CAMSAP1: variants seen among roughly 807,000 people sequenced by gnomAD.
CAMSAP1 encodes calmodulin regulated spectrin associated protein 1.
Under a neutral mutation model 143.5 loss-of-function variants are expected in CAMSAP1, and 58 were observed. The ratio of observed to expected loss-of-function variants is 0.40; its 90% CI spans 0.33 to 0.50. The LOEUF (loss-of-function observed/expected upper bound fraction) is 0.50, where lower values mean the gene tolerates loss of function less well. CAMSAP1 is among the 20% of genes least tolerant of loss of function. CAMSAP1 has a pLI of 0.45. For missense variants in CAMSAP1, 1,969 were observed against 2,115.7 expected, an observed-to-expected ratio of 0.93 and a Z score of 1.36; for synonymous variants, 945 against 859.3, an observed-to-expected ratio of 1.10 and a Z score of -1.74.
intron 3 of CAMSAP1, among the ~76,000 whole-genome samples, chr9:135,874,483 G>T (rs1451558044): frequency 6.7e-6 from 1 of 150,018 alleles, no homozygotes; most frequent in African/African-American, 2.5e-5. Context: ...AAAAAAGGGG[G>T]GGGGGGGCCA....
chr9:135,889,895 A>AC (rs1235954565), intron 1 of CAMSAP1, among the ~76,000 whole-genome samples: 4 of 151,992 alleles, frequency 2.6e-5, no homozygotes, highest in African/African-American at 9.7e-5. Context: ...GTAAGCTCCC[A>AC]CCCGTAGCTC....
rs947940641 is a variant in CAMSAP1 at position 135,873,394 on chromosome 9, T to TC, written c.586-6859dup. Among the ~76,000 whole-genome samples the TC allele has an allele frequency of 1.2e-3, 175 of 149,986 alleles. 2 individuals carry two copies. Among genetic ancestry groups the TC allele is most frequent in the Non-Finnish European group, 2.3e-3 (154 of 67,472 alleles). ...ATGAAAAAAGACTTCAATAACTAAC[T>TC]CCCCCCTTAAAAAACTAGACAAGGA... On this transcript the variant is annotated intron_variant, in intron 3 of 16. Coordinates refer to ENST00000389532, the MANE Select transcript of CAMSAP1 (RefSeq NM_015447.4).
At chr9:135,875,053 G>C (rs1837694413) in intron 3 of CAMSAP1, among the ~76,000 whole-genome samples, 1 of 152,134 alleles carries the variant, frequency 6.6e-6, no homozygotes, top group African/African-American at 2.4e-5. Context: ...ATGTCTGTGG[G>C]CTGGAATATG....
Position 135,818,090 on chromosome 9 carries a change from C to A in CAMSAP1, c.4169-11G>T, listed in dbSNP as rs1835304295. On this transcript the variant is annotated splice_polypyrimidine_tract_variant and intron_variant, in intron 13 of 16. Coordinates refer to ENST00000389532, the MANE Select transcript of CAMSAP1 (RefSeq NM_015447.4). The surrounding 1 kb of genome is among the most constrained non-coding windows in gnomAD (Gnocchi z 7.7). ...GGCTCAAGTTATCAGCTGCCAGAGA[C>A]AGAAACAGACGACGGTTCATGAACG... The A allele has an allele frequency of 1.1e-5, 17 of 1,612,986 alleles. No homozygotes were observed. The highest frequency in any genetic ancestry group is 1.4e-5 in the Non-Finnish European group (17 of 1,179,310).
chr9:135,865,527 T>C (rs934158320), intron 4 of CAMSAP1, among the ~76,000 whole-genome samples: 3 of 152,184 alleles, frequency 2.0e-5, no homozygotes, highest in African/African-American at 4.8e-5. Context: ...AGTCATGTTG[T>C]ATTAGCAGAT....
chr9:135,875,509 C>A (rs1837712738), intron 3 of CAMSAP1, among the ~76,000 whole-genome samples: 1 of 152,120 alleles, frequency 6.6e-6, no homozygotes, highest in Non-Finnish European at 1.5e-5. Context: ...CCACGCCCAG[C>A]CAAAAACAAT....
chr9:135,855,775 G>A (rs1000664758), intron 5 of CAMSAP1, among the ~76,000 whole-genome samples: 23 of 145,684 alleles, frequency 1.6e-4, no homozygotes, highest in African/African-American at 2.8e-4. Flanking sequence ...AAAAAAGGCC[G>A]GGTGCGGTGG....
chr9:135,815,856 C>T, intron 15 of CAMSAP1, 34 bp downstream of exon 15: 2 of 1,565,180 alleles, frequency 1.3e-6, no homozygotes, highest in Non-Finnish European at 8.8e-7. Context: ...TGGCCATGCC[C>T]ACGATGACCT....
At chr9:135,836,651 C>T (rs1836055620) in intron 7 of CAMSAP1, 1 of 983,762 alleles carries the variant, frequency 1.0e-6, no homozygotes, top group Non-Finnish European at 1.2e-6. Context: ...CATCATCACG[C>T]ACTTTCTACC....
chr9:135,901,812 C>T (rs1289600338), intron 1 of CAMSAP1, among the ~76,000 whole-genome samples: 3 of 152,162 alleles, frequency 2.0e-5, no homozygotes, highest in African/African-American at 7.2e-5. Context: ...CCCCAGCCAA[C>T]CTGAGCACCA....
chr9:135,821,257 G>T lies in CAMSAP1; in HGVS notation c.3404C>A (p.Pro1135His). The change falls in exon 11 of 17, where the codon CCC (proline) becomes CAC (histidine). Residue 1135 changes from proline to histidine, a missense_variant. Pro to His is a moderately conservative substitution (Grantham distance 77). Transcript: ENST00000389532. The surrounding 1 kb of genome is among the most constrained non-coding windows in gnomAD (Gnocchi z 4.6). ...CCGAGGGTGGCTGCTGGCAGGGAAGGGTCTCAAGTGCGGGAGCGTCTCTAC... is the reference window on the plus strand; with the variant it reads ...CCGAGGGTGGCTGCTGGCAGGGAAGTGTCTCAAGTGCGGGAGCGTCTCTAC... ...PSVETLPHLR[P>H]FPASSHPRTP... The T allele has an allele frequency of 2.5e-6, 4 of 1,608,974 alleles. No homozygotes were observed. Among genetic ancestry groups the T allele is most frequent in the Non-Finnish European group, 3.4e-6 (4 of 1,179,788 alleles).
At position 135,824,773 on chromosome 9, in the gene CAMSAP1, G is replaced by C. The variant is rs1835613124; in HGVS notation, c.1315+16C>G. 2.0e-6 allele frequency: 3 copies of C among 1,507,770 alleles called. No individual in the cohort carries two copies. Among genetic ancestry groups the C allele is most frequent in the East Asian group, 4.7e-5 (2 of 42,130 alleles). The allele number at this position is 1,507,770 out of a possible 1,614,324, so 93.4% of individuals were successfully genotyped here. On this transcript the variant is annotated intron_variant, in intron 9 of 16. Coordinates refer to ENST00000389532, the MANE Select transcript of CAMSAP1 (RefSeq NM_015447.4). This position sits in a 1 kb window ranked among gnomAD's most constrained non-coding sequence, Gnocchi z 4.1. ...AAGGAGAAATTAAGGAAAAAAGGAG[G>C]AAACAACATTCTTACCAGGGATGTC... is the stretch of plus-strand genomic sequence containing the variant.
intron 3 of CAMSAP1, among the ~76,000 whole-genome samples, chr9:135,868,607 C>A (rs1588488803): frequency 1.7e-5 from 2 of 119,562 alleles, no homozygotes; most frequent in Admixed American, 8.2e-5. Context: ...ATGAGATTGG[C>A]AATTTTTTTT....
intron 3 of CAMSAP1, among the ~76,000 whole-genome samples, chr9:135,869,688 T>C (rs982612589): frequency 6.6e-6 from 1 of 152,038 alleles, no homozygotes; most frequent in South Asian, 2.1e-4. Context: ...CCCAGGTACA[T>C]ACCCAAGAAA....
At chr9:135,848,670 A>C (rs1159174451) in intron 7 of CAMSAP1, among the ~76,000 whole-genome samples, 2 of 152,198 alleles carry the variant, frequency 1.3e-5, no homozygotes, top group Non-Finnish European at 2.9e-5. Flanking sequence ...GCTGTGGCTC[A>C]CACACACCCA....
In CAMSAP1 at chr9:135,811,968, G is replaced by A. The variant is rs994614005; in HGVS notation, c.4507-357C>T. 6.6e-5 allele frequency among the ~76,000 whole-genome samples: 10 copies of A among 152,204 alleles called. No individual in the cohort carries two copies. Among genetic ancestry groups the A allele is most frequent in the African/African-American group, 2.4e-4 (10 of 41,452 alleles). On this transcript the variant is annotated intron_variant, in intron 16 of 16. Transcript: ENST00000389532. The surrounding 1 kb of genome is among the most constrained non-coding windows in gnomAD (Gnocchi z 4.9). ...GAACCCAGAAGCAGGGCGGTAACGA[G>A]TGCTGGCGAGCCATGGGGCTCTTTC...
chr9:135,814,922 G>A (rs1588437461), intron 16 of CAMSAP1, among the ~76,000 whole-genome samples, 175 bp downstream of exon 16: 1 of 152,190 alleles, frequency 6.6e-6, no homozygotes, highest in East Asian at 1.9e-4. Context: ...TGCAGCCCCT[G>A]GACCTTGGCA....
At position 135,821,975 on chromosome 9, in the gene CAMSAP1, T is replaced by G; in HGVS notation, c.2686A>C (p.Lys896Gln). The G allele has an allele frequency of 6.2e-7, 1 of 1,612,634 alleles. No individual in the cohort carries two copies. The highest frequency in any genetic ancestry group is 2.2e-5 in the East Asian group (1 of 44,868). Residue 896 changes from lysine to glutamine, a missense_variant, in exon 11 of 17, where the codon AAG becomes CAG. Around this residue, in one of 4 missense-constraint regions of CAMSAP1, gnomAD observed 1,390 missense variants for 1,420.8 expected, o/e 0.98. Transcript: ENST00000389532. The surrounding 1 kb of genome is among the most constrained non-coding windows in gnomAD (Gnocchi z 4.6). The stretch of plus-strand genomic sequence containing the variant: ...GCCGACAGCGCCTCCATCTTCTTCT[T>G]CTGGGCCTCGATGGCCCTGCGCTTC... ...EEKRRAIEAQKKKMEALSARQ... is the reference protein window; with the variant it reads ...EEKRRAIEAQQKKMEALSARQ...
intron 5 of CAMSAP1, among the ~76,000 whole-genome samples, chr9:135,854,878 T>C (rs1836899519): frequency 1.3e-5 from 2 of 152,190 alleles, no homozygotes; most frequent in African/African-American, 4.8e-5. Context: ...AGGAATTAAG[T>C]CCAGTACCCA....
Sources: allele counts gnomAD v4.1 joint callset (sites outside exome capture counted in the v4.1 genomes callset), GRCh38; gene constraint gnomAD v4.1.1; regional missense constraint gnomAD v4.1.1; non-coding constraint Gnocchi (gnomAD v3.1); transcripts MANE v1.5; gene names NCBI Gene and HGNC (gene_info 2026-07-23, HGNC 2026-07-21).